Variants in MTHFD1L observed in about 807,000 individuals in gnomAD.
The protein encoded by MTHFD1L is methylenetetrahydrofolate dehydrogenase (NADP+ dependent) 1 like.
In MTHFD1L, 81 loss-of-function variants were observed where a neutral mutation model predicts 119.5. That is an observed-to-expected ratio of 0.68 (90% CI 0.57 to 0.82). The LOEUF (loss-of-function observed/expected upper bound fraction) is 0.82. MTHFD1L is among the 40% of genes least tolerant of loss of function. The probability of loss-of-function intolerance (pLI) is 0.00; values close to 1 mark genes in which losing one functional copy is unlikely to be tolerated. For synonymous variants in MTHFD1L, 430 were observed against 475.2 expected (o/e 0.90, Z 1.24); for missense variants, 1,125 against 1,253.4 (o/e 0.90, Z 1.55).
chr6:151,068,817 C>A (rs1343248478), intron 26 of MTHFD1L, among the ~76,000 whole-genome samples: 1 of 152,252 alleles, frequency 6.6e-6, no homozygotes, highest in African/African-American at 2.4e-5. Flanking sequence ...ACACTCAGCA[C>A]GGTCAGCAAT....
At chr6:151,001,991 T>G (rs1780688065) in intron 20 of MTHFD1L, among the ~76,000 whole-genome samples, 1 of 152,148 alleles carries the variant, frequency 6.6e-6, no homozygotes, top group South Asian at 2.1e-4. Flanking sequence ...ATTGCATACT[T>G]TGGTAATCAC....
chr6:151,021,688 T>C (rs1275107222), intron 24 of MTHFD1L, among the ~76,000 whole-genome samples: 2 of 152,222 alleles, frequency 1.3e-5, no homozygotes, highest in African/African-American at 2.4e-5. Context: ...AACTCCAAGA[T>C]TGGTTTATTT....
intron 19 of MTHFD1L, among the ~76,000 whole-genome samples, chr6:150,966,272 G>A (rs749026314): frequency 1.1e-4 from 16 of 152,136 alleles, no homozygotes; most frequent in Admixed American, 2.0e-4. Context: ...TTATCATGGT[G>A]GAAGGCGAAG....
At chr6:150,884,298 C>T (rs1317148827) in intron 5 of MTHFD1L, among the ~76,000 whole-genome samples, 3 of 151,946 alleles carry the variant, frequency 2.0e-5, no homozygotes, top group African/African-American at 7.3e-5. Context: ...CCCACCACCA[C>T]ACCTGGCTAA....
intron 18 of MTHFD1L, among the ~76,000 whole-genome samples, chr6:150,963,355 C>A (rs1169050898): frequency 1.2e-4 from 1 of 8,032 alleles, no homozygotes; most frequent in Non-Finnish European, 1.9e-4. Context: ...CTGAAAATTG[C>A]TAAGAGTGGT....
At chr6:151,006,547 G>T (rs182939737) in intron 20 of MTHFD1L, among the ~76,000 whole-genome samples, 2 of 152,150 alleles carry the variant, frequency 1.3e-5, no homozygotes, top group South Asian at 2.1e-4. Flanking sequence ...CTACACGGGC[G>T]CATTGAAGGG....
chr6:151,009,087 A>G (rs1270495956), intron 20 of MTHFD1L, among the ~76,000 whole-genome samples: 2 of 143,546 alleles, frequency 1.4e-5, no homozygotes, highest in African/African-American at 5.3e-5. Context: ...GTGCCATTGC[A>G]CTCCAGCCTG....
rs1412548099 is a variant in MTHFD1L, at chr6:151,092,532, A to C, written c.2913A>C (p.Thr971=). ...CFYDIDLDTE[T]EQVKGLF ...ATGACATAGATCTTGATACCGAAAC[A>C]GAACAAGTTAAAGGCTTGTTCTAAG... Residue 971 remains threonine, a synonymous_variant, in exon 27 of 28, where the codon ACA becomes ACC. Coordinates refer to ENST00000367321, the MANE Select transcript of MTHFD1L (RefSeq NM_015440.5). 1.2e-6 allele frequency: 2 copies of C among 1,614,204 alleles called. No homozygotes were observed. The highest frequency in any genetic ancestry group is 2.2e-5 in the South Asian group (2 of 91,074).
At chr6:151,071,666 GA>G (rs1490977460) in intron 26 of MTHFD1L, among the ~76,000 whole-genome samples, 2 of 152,078 alleles carry the variant, frequency 1.3e-5, no homozygotes, top group Non-Finnish European at 2.9e-5. Flanking sequence ...GTTTTGTTTG[GA>G]AAAGGCAGAT....
At chr6:150,932,931 G>A (rs959631123) in intron 11 of MTHFD1L, among the ~76,000 whole-genome samples, 4 of 152,044 alleles carry the variant, frequency 2.6e-5, no homozygotes, top group African/African-American at 9.7e-5. Context: ...GATTACCTTG[G>A]TGCTCATTCT....
chr6:150,872,557 A>G (rs559779858), intron 1 of MTHFD1L, among the ~76,000 whole-genome samples: 36 of 152,296 alleles, frequency 2.4e-4, no homozygotes, highest in African/African-American at 8.7e-4. Flanking sequence ...GGCCAACACA[A>G]TTACAACAGT....
At chr6:150,921,169 G>C (rs1307990283) in intron 9 of MTHFD1L, among the ~76,000 whole-genome samples, 3 of 150,900 alleles carry the variant, frequency 2.0e-5, no homozygotes, top group Non-Finnish European at 1.5e-5. Flanking sequence ...GCCCAGGCTG[G>C]GGTGCAATGG....
At chr6:151,026,191 A>C (rs540855852) in intron 24 of MTHFD1L, among the ~76,000 whole-genome samples, 1 of 152,224 alleles carries the variant, frequency 6.6e-6, no homozygotes, top group Admixed American at 6.5e-5. Context: ...TGAGTGACTC[A>C]GCTTCTAGGA....
intron 26 of MTHFD1L, chr6:151,088,402 AC>A (rs1008626839): frequency 2.7e-5 from 4 of 150,438 alleles, no homozygotes; most frequent in African/African-American, 4.9e-5. Context: ...AAAAGTTGAA[AC>A]AAGAGGAAAG....
intron 7 of MTHFD1L, among the ~76,000 whole-genome samples, chr6:150,890,595 G>A (rs971336433): frequency 4.6e-5 from 7 of 152,150 alleles, no homozygotes; most frequent in African/African-American, 1.4e-4. Context: ...GAGTTATCCC[G>A]AGTTCGTGCT....
At chr6:150,997,795 T>C (rs1215396963) in intron 20 of MTHFD1L, among the ~76,000 whole-genome samples, 1 of 152,084 alleles carries the variant, frequency 6.6e-6, no homozygotes. Context: ...AAAAAATACA[T>C]ACACTGACTA....
chr6:150,987,152 T>A (rs6920113), intron 20 of MTHFD1L, among the ~76,000 whole-genome samples: 93 of 152,316 alleles, frequency 6.1e-4, no homozygotes, highest in African/African-American at 2.1e-3. Flanking sequence ...GTGTATAGGA[T>A]CTTCCCTAAC....
intron 26 of MTHFD1L, among the ~76,000 whole-genome samples, chr6:151,041,523 C>A (rs9322299): frequency 0.7 from 106,900 of 152,066 alleles, 38,149 homozygotes; most frequent in Non-Finnish European, 0.74. Flanking sequence ...TTCATCTATC[C>A]ACTCCAGAAA....
At chr6:151,003,237 A>G (rs1780867639) in intron 20 of MTHFD1L, among the ~76,000 whole-genome samples, 1 of 152,184 alleles carries the variant, frequency 6.6e-6, no homozygotes, top group African/African-American at 2.4e-5. Flanking sequence ...AACACATTAA[A>G]AACAGAAAAG....
Sources: allele counts gnomAD v4.1 joint callset (sites outside exome capture counted in the v4.1 genomes callset), GRCh38; gene constraint gnomAD v4.1.1; transcripts MANE v1.5; gene names NCBI Gene and HGNC (gene_info 2026-07-23, HGNC 2026-07-21).